The following MIPOL1 variants were observed in gnomAD, a reference collection of about 807,000 sequenced individuals.
The protein encoded by MIPOL1 is mirror-image polydactyly gene 1 protein.
MIPOL1 carries 57 observed loss-of-function variants against 60.9 expected under a neutral mutation model. That is an observed-to-expected ratio of 0.94 (90% CI 0.76 to 1.17). The LOEUF is 1.17. Among genes scored for constraint, MIPOL1 ranks in the 50% most tolerant of loss-of-function variants. MIPOL1 has a pLI of 0.00. For synonymous variants in MIPOL1, 179 were observed against 168.8 expected, an observed-to-expected ratio of 1.06 and a Z score of -0.47; for missense variants, 551 against 511.6, an observed-to-expected ratio of 1.08 and a Z score of -0.74.
chr14:37,362,549 T>C (rs528679687), intron 9 of MIPOL1, among the ~76,000 whole-genome samples: 2 of 152,340 alleles, frequency 1.3e-5, no homozygotes, highest in East Asian at 3.9e-4. Context: ...CATTTTTTCC[T>C]TTATTTCAAC....
At chr14:37,544,807 C>A (rs1299067084) in intron 12 of MIPOL1, among the ~76,000 whole-genome samples, 2 of 152,228 alleles carry the variant, frequency 1.3e-5, no homozygotes, top group African/African-American at 4.8e-5. Context: ...TGTTGAAATA[C>A]AATGAGGACA....
intron 10 of MIPOL1, among the ~76,000 whole-genome samples, chr14:37,404,083 G>T (rs1208855759): frequency 6.6e-6 from 1 of 152,010 alleles, no homozygotes; most frequent in African/African-American, 2.4e-5. Context: ...GTAATTAATG[G>T]TATTTTATCA....
At chr14:37,500,740 G>C (rs1284136159) in intron 12 of MIPOL1, among the ~76,000 whole-genome samples, 1 of 152,100 alleles carries the variant, frequency 6.6e-6, no homozygotes, top group South Asian at 2.1e-4. Context: ...CAGCTTACCA[G>C]GCAAAGAAGT....
intron 7 of MIPOL1, among the ~76,000 whole-genome samples, chr14:37,306,228 A>T (rs905267961): frequency 6.6e-6 from 1 of 151,882 alleles, no homozygotes; most frequent in Non-Finnish European, 1.5e-5. Context: ...GCCTGAAGAC[A>T]GCCTTAAATA....
At chr14:37,534,613 T>G (rs1322062516) in intron 12 of MIPOL1, among the ~76,000 whole-genome samples, 1 of 152,174 alleles carries the variant, frequency 6.6e-6, no homozygotes, top group Non-Finnish European at 1.5e-5. Flanking sequence ...GGCTTGTTAT[T>G]GGAATTGAGT....
chr14:37,420,161 G>T (rs771856248), intron 10 of MIPOL1, among the ~76,000 whole-genome samples: 2 of 151,810 alleles, frequency 1.3e-5, no homozygotes, highest in Admixed American at 6.6e-5. Flanking sequence ...GTAAATCAGG[G>T]TAATTTATTT....
intron 10 of MIPOL1, among the ~76,000 whole-genome samples, chr14:37,393,989 T>C (rs887709921): frequency 1.4e-5 from 2 of 146,916 alleles, no homozygotes; most frequent in Non-Finnish European, 3.0e-5. Context: ...CTTAGAATAA[T>C]AGTCTCCAAT....
chr14:37,544,664 AG>A (rs1440319464), intron 12 of MIPOL1, among the ~76,000 whole-genome samples: 1 of 152,240 alleles, frequency 6.6e-6, no homozygotes, highest in African/African-American at 2.4e-5. Context: ...AGGAAGGAAT[AG>A]GTGCTTCATT....
intron 11 of MIPOL1, among the ~76,000 whole-genome samples, chr14:37,430,629 C>T (rs547920612): frequency 3.9e-5 from 6 of 151,962 alleles, no homozygotes; most frequent in East Asian, 3.9e-4. Flanking sequence ...TTCTGAATGT[C>T]GATTGCCTCA....
chr14:37,394,961 C>G (rs1031946286), intron 10 of MIPOL1, among the ~76,000 whole-genome samples: 2 of 152,096 alleles, frequency 1.3e-5, no homozygotes, highest in Non-Finnish European at 2.9e-5. Flanking sequence ...AGATAAGAAT[C>G]CAGTTTCATT....
Position 37,197,954 on chromosome 14 carries a change from C to G in MIPOL1, c.-349C>G, listed in dbSNP as rs1028653373. On this transcript the variant is annotated 5_prime_UTR_variant, in exon 1 of 13. Transcript: ENST00000684589. The stretch of plus-strand genomic sequence containing the variant: ...CGCCCCGTAGGCCCCACGCGCCGCC[C>G]CGCTCCTCCGCCGGATCGTCTGTGG... 4 of 152,210 alleles carry G rather than the reference C, an allele frequency of 2.6e-5. No homozygotes were observed. Among genetic ancestry groups the G allele is most frequent in the African/African-American group, 9.7e-5 (4 of 41,442 alleles). The allele number at this position is 152,210 out of a possible 1,614,324, so 9.4% of individuals were successfully genotyped here.
chr14:37,486,682 C>G (rs574326922), intron 11 of MIPOL1, among the ~76,000 whole-genome samples: 57 of 152,176 alleles, frequency 3.7e-4, no homozygotes, highest in South Asian at 2.1e-3. Flanking sequence ...GATTTTGTAT[C>G]CTGAGACTTT....
intron 12 of MIPOL1, among the ~76,000 whole-genome samples, chr14:37,544,199 A>T (rs896746263): frequency 6.6e-6 from 1 of 152,194 alleles, no homozygotes; most frequent in Non-Finnish European, 1.5e-5. Context: ...ATACATCAAC[A>T]TTAAAAATAC....
At chr14:37,247,953 A>G (rs1394828517) in intron 3 of MIPOL1, 46 bp downstream of exon 3, 1 of 1,599,408 alleles carries the variant, frequency 6.3e-7, no homozygotes, top group Admixed American at 1.7e-5. Flanking sequence ...GTGTTGTTCT[A>G]GTTCAAGGCA....
chr14:37,330,759 T>G (rs1283770942), intron 9 of MIPOL1, among the ~76,000 whole-genome samples: 1 of 151,200 alleles, frequency 6.6e-6, no homozygotes, highest in Non-Finnish European at 1.5e-5. Context: ...AGACTTATCA[T>G]TCTACCCTGT....
intron 9 of MIPOL1, among the ~76,000 whole-genome samples, chr14:37,333,906 C>T (rs2089922257): frequency 6.6e-6 from 1 of 151,894 alleles, no homozygotes; most frequent in Admixed American, 6.6e-5. Context: ...CTCAAGTTCA[C>T]ATGGAACAAT....
In MIPOL1 at chr14:37,550,362, C is replaced by G. The variant is rs1417097494; in HGVS notation, c.*3391C>G. The stretch of plus-strand genomic sequence containing the variant: ...AAATACTTGTGATTAATAAGGCATT[C>G]TATGATGAAATAGCCATGGCTTATA... On this transcript the variant is annotated 3_prime_UTR_variant, in exon 13 of 13. Coordinates refer to ENST00000684589, the MANE Select transcript of MIPOL1 (RefSeq NM_001388067.1). 6.6e-6 allele frequency: 1 copy of G among 151,506 alleles called. No homozygotes were observed. Among genetic ancestry groups the G allele is most frequent in the East Asian group, 1.9e-4 (1 of 5,168 alleles). The allele number at this position is 151,506 out of a possible 1,614,324, so 9.4% of individuals were successfully genotyped here.
intron 9 of MIPOL1, among the ~76,000 whole-genome samples, chr14:37,362,048 G>T (rs2092287177): frequency 1.3e-5 from 2 of 152,086 alleles, no homozygotes; most frequent in Non-Finnish European, 2.9e-5. Flanking sequence ...ACACTGATGG[G>T]TCTTGACTCT....
intron 11 of MIPOL1, among the ~76,000 whole-genome samples, chr14:37,445,117 G>A (rs982248707): frequency 1.3e-5 from 2 of 152,028 alleles, no homozygotes; most frequent in Non-Finnish European, 2.9e-5. Flanking sequence ...ATTCAGTTAG[G>A]AAAAAAGGAA....
Sources: allele counts gnomAD v4.1 joint callset (sites outside exome capture counted in the v4.1 genomes callset), GRCh38; gene constraint gnomAD v4.1.1; transcripts MANE v1.5; gene names NCBI Gene and HGNC (gene_info 2026-07-23, HGNC 2026-07-21).